PCDH15: variants seen among roughly 807,000 people sequenced by gnomAD.
The protein encoded by PCDH15 is protocadherin-15.
PCDH15 carries 129 observed loss-of-function variants against 178.5 expected under a neutral mutation model. That is an observed-to-expected ratio of 0.72 (90% CI 0.63 to 0.84). PCDH15 has a LOEUF of 0.84. PCDH15 is among the 40% of genes least tolerant of loss of function. The pLI is 0.00. For missense variants in PCDH15, 2,230 were observed against 2,099.9 expected (o/e 1.06, Z -1.21); for synonymous variants, 800 against 732.0 (o/e 1.09, Z -1.50).
intron 10 of PCDH15, among the ~76,000 whole-genome samples, chr10:54,204,904 C>T (rs964012213): frequency 6.6e-6 from 1 of 152,168 alleles, no homozygotes; most frequent in Middle Eastern, 3.2e-3. Flanking sequence ...TTATCTGCTG[C>T]CTTAAAATAA....
intron 3 of PCDH15, among the ~76,000 whole-genome samples, chr10:54,818,986 G>C (rs186584078): frequency 1.1e-4 from 16 of 152,024 alleles, no homozygotes; most frequent in Non-Finnish European, 2.1e-4. Context: ...GAGCTGTGGG[G>C]TGATCATAGT....
chr10:54,845,593 T>C (rs1166550145), intron 3 of PCDH15, among the ~76,000 whole-genome samples: 1 of 152,122 alleles, frequency 6.6e-6, no homozygotes, highest in Non-Finnish European at 1.5e-5. Context: ...TTATCTATTA[T>C]ATTAATATTC....
intron 24 of PCDH15, 119 bp from the exon 25 acceptor site, chr10:53,939,074 G>T: frequency 3.1e-6 from 3 of 953,662 alleles, no homozygotes; most frequent in Non-Finnish European, 4.8e-6. Flanking sequence ...CTAGAGTGAT[G>T]CATGAAAGTG....
intron 1 of PCDH15, among the ~76,000 whole-genome samples, chr10:54,771,869 T>G (rs1949133458): frequency 6.6e-6 from 1 of 152,176 alleles, no homozygotes; most frequent in Non-Finnish European, 1.5e-5. Flanking sequence ...TATAAATTAA[T>G]AAGTGAAAGT....
intron 1 of PCDH15, among the ~76,000 whole-genome samples, chr10:55,236,126 A>G (rs1412176709): frequency 6.6e-6 from 1 of 151,912 alleles, no homozygotes; most frequent in African/African-American, 2.4e-5. Context: ...TAGTTATAAT[A>G]TTCAATAACA....
chr10:53,968,175 T>C (rs545795319), intron 21 of PCDH15, among the ~76,000 whole-genome samples: 3 of 152,138 alleles, frequency 2.0e-5, no homozygotes, highest in Non-Finnish European at 4.4e-5. Flanking sequence ...TTTCCAACAG[T>C]CTTAGCAAAC....
chr10:54,099,490 C>G (rs11004065), intron 15 of PCDH15, among the ~76,000 whole-genome samples: 35,974 of 92,872 alleles, frequency 0.39, 6,958 homozygotes, highest in Middle Eastern at 0.59. Flanking sequence ...CAGAGCGAGA[C>G]TCCATCTCAA....
intron 1 of PCDH15, among the ~76,000 whole-genome samples, chr10:55,206,768 TCA>T (rs1323030839): frequency 6.6e-6 from 1 of 152,100 alleles, no homozygotes; most frequent in Non-Finnish European, 1.5e-5. Context: ...TGTTTGAAAA[TCA>T]GAGGTCTTTA....
chr10:54,098,881 C>T lies in PCDH15; in HGVS notation c.1918-8818G>A, dbSNP rs530049434. Among the ~76,000 whole-genome samples, 51 of 152,184 alleles carry T rather than the reference C, an allele frequency of 3.4e-4. No individual in the cohort carries two copies. In the South Asian group the frequency reaches 0.011, roughly 32 times the overall value. ...AAAAAATCAGAATCAACATTTCTGT[C>T]ATTAAAAAAATTTCTTCATGATACA... On this transcript the variant is annotated intron_variant, in intron 15 of 37. Transcript: ENST00000644397.
At chr10:54,174,804 C>G (rs1353939956) in intron 13 of PCDH15, among the ~76,000 whole-genome samples, 2 of 146,422 alleles carry the variant, frequency 1.4e-5, no homozygotes, top group East Asian at 4.0e-4. Context: ...GAGATTCTCC[C>G]GCTTCAGCCT....
At chr10:54,131,358 T>G (rs965694916) in intron 15 of PCDH15, among the ~76,000 whole-genome samples, 2 of 152,152 alleles carry the variant, frequency 1.3e-5, no homozygotes, top group African/African-American at 4.8e-5. Context: ...TTTCTCTTAT[T>G]TTTTTCTTGC....
intron 1 of PCDH15, among the ~76,000 whole-genome samples, chr10:54,757,600 T>C (rs942174846): frequency 1.3e-5 from 2 of 152,128 alleles, no homozygotes; most frequent in African/African-American, 2.4e-5. Flanking sequence ...TTCTTAAAAA[T>C]TGGCTTTCCT....
At chr10:54,177,259 T>A (rs77131293) in intron 13 of PCDH15, among the ~76,000 whole-genome samples, 4,138 of 152,112 alleles carry the variant, frequency 0.027, 81 homozygotes, top group Middle Eastern at 0.078. Flanking sequence ...GATCAATGAT[T>A]GTCAGGGGAA....
intron 2 of PCDH15, among the ~76,000 whole-genome samples, chr10:55,407,823 A>G (rs533610189): frequency 6.6e-6 from 1 of 152,328 alleles, no homozygotes; most frequent in South Asian, 2.1e-4. Context: ...TGGATGCATG[A>G]AGAAATAAAG....
At chr10:54,526,904 G>A (rs969125113) in intron 3 of PCDH15, among the ~76,000 whole-genome samples, 5 of 152,064 alleles carry the variant, frequency 3.3e-5, no homozygotes, top group South Asian at 2.1e-4. Context: ...GTACATGTAC[G>A]CGTGTAGATT....
At chr10:55,002,798 G>A (rs1839823954) in intron 2 of PCDH15, among the ~76,000 whole-genome samples, 1 of 152,166 alleles carries the variant, frequency 6.6e-6, no homozygotes, top group African/African-American at 2.4e-5. Context: ...GTAGTTCAGA[G>A]TTTTTCTATA....
intron 3 of PCDH15, among the ~76,000 whole-genome samples, chr10:54,452,087 T>C (rs1468698291): frequency 6.6e-6 from 1 of 151,896 alleles, no homozygotes; most frequent in African/African-American, 2.4e-5. Context: ...CAGTTCAGTT[T>C]TTGCCACCCA....
At chr10:55,056,630 T>TATTATG (rs1841311534) in intron 2 of PCDH15, among the ~76,000 whole-genome samples, 1 of 148,520 alleles carries the variant, frequency 6.7e-6, no homozygotes, top group East Asian at 1.9e-4. Context: ...TTATTATTAT[T>TATTATG]ATTATTATTA....
intron 25 of PCDH15, among the ~76,000 whole-genome samples, chr10:53,909,837 G>A (rs571697638): frequency 1.1e-4 from 16 of 152,310 alleles, no homozygotes; most frequent in Non-Finnish European, 1.9e-4. Context: ...TTAGCAAATG[G>A]CACACAAGGA....
Sources: allele counts gnomAD v4.1 joint callset (sites outside exome capture counted in the v4.1 genomes callset), GRCh38; gene constraint gnomAD v4.1.1; transcripts MANE v1.5; gene names NCBI Gene and HGNC (gene_info 2026-07-23, HGNC 2026-07-21).